Variants in MPDU1 observed in about 807,000 individuals in gnomAD.
MPDU1 encodes mannose-P-dolichol utilization defect 1.
Under a neutral mutation model 27.6 loss-of-function variants are expected in MPDU1, and 18 were observed. That is an observed-to-expected ratio of 0.65 (90% CI 0.45 to 0.97). MPDU1 has a LOEUF of 0.97. Ranked by LOEUF, MPDU1 falls within the 50% of genes least tolerant of loss-of-function variation. MPDU1 has a pLI of 0.00. For synonymous variants in MPDU1, 142 were observed against 131.1 expected (o/e 1.08, Z -0.57); for missense variants, 279 against 297.4 (o/e 0.94, Z 0.46).
intron 1 of MPDU1, chr17:7,584,255 C>T (rs72827584): frequency 0.092 from 54,729 of 594,892 alleles, 2,993 homozygotes; most frequent in East Asian, 0.12. Context: ...TAAGTCAAAT[C>T]ATGCCAACCT....
Position 7,585,999 on chromosome 17 carries a change from A to G in MPDU1, c.223A>G (p.Ser75Gly), listed in dbSNP as rs1475868259. ...ILGAKSAEGL[S>G]LQSVMLELVA... ...GGGAGCCAAGAGTGCTGAAGGGTTG[A>G]GTCTCCAGTCTGTAATGCTGGAGCT... Residue 75 changes from serine to glycine, a missense_variant, in exon 3 of 7, where the codon AGT (serine) becomes GGT (glycine). Physicochemically the swap from Ser to Gly is moderately conservative, Grantham distance 56 (BLOSUM62 0). Coordinates refer to ENST00000250124, the MANE Select transcript of MPDU1 (RefSeq NM_004870.4). The G allele has an allele frequency of 2.5e-6, 4 of 1,614,012 alleles. No homozygotes were observed. In the African/African-American group the frequency reaches 5.3e-5, roughly 22 times the overall value.
intron 1 of MPDU1, among the ~76,000 whole-genome samples, chr17:7,584,751 G>A (rs2071552482): frequency 6.6e-6 from 1 of 152,198 alleles, no homozygotes; most frequent in Admixed American, 6.5e-5. Flanking sequence ...CAGCACTTTG[G>A]GAGGCCGAAG....
intron 3 of MPDU1, 52 bp from the exon 4 acceptor site, chr17:7,586,640 C>T (rs1281761644): frequency 6.6e-6 from 10 of 1,521,760 alleles, no homozygotes; most frequent in Non-Finnish European, 8.2e-6. Flanking sequence ...TGGAGGCTTT[C>T]CCTGCCTCTT....
chr17:7,587,067 G>GC, intron 5 of MPDU1, 50 bp downstream of exon 5: 6 of 1,041,320 alleles, frequency 5.8e-6, no homozygotes, highest in Non-Finnish European at 8.6e-6. Context: ...GGGTGGGGGG[G>GC]AAGAGTAGAA....
intron 1 of MPDU1, 132 bp from the exon 2 acceptor site, chr17:7,585,600 G>T: frequency 1.2e-6 from 1 of 812,554 alleles, no homozygotes; most frequent in Non-Finnish European, 2.1e-6. Context: ...ACTGCCCTCC[G>T]CCTCTCCTCC....
intron 5 of MPDU1, 33 bp downstream of exon 5, chr17:7,587,050 G>A (rs780686100): frequency 6.3e-7 from 1 of 1,585,374 alleles, no homozygotes; most frequent in African/African-American, 1.4e-5. Flanking sequence ...AAGATGTTGT[G>A]GGGGCAGGGT....
chr17:7,585,631 C>G (rs1369836023), intron 1 of MPDU1, 101 bp from the exon 2 acceptor site: 1 of 1,128,538 alleles, frequency 8.9e-7, no homozygotes, highest in Non-Finnish European at 1.3e-6. Flanking sequence ...ATGCAAGACC[C>G]TGGTGTGGGT....
chr17:7,586,296 G>A, intron 3 of MPDU1: 1 of 579,018 alleles, frequency 1.7e-6, no homozygotes. Flanking sequence ...AAAATTAGCT[G>A]GGTGTGGTGA....
At chr17:7,584,605 A>G in intron 1 of MPDU1, among the ~76,000 whole-genome samples, 1 of 152,210 alleles carries the variant, frequency 6.6e-6, no homozygotes, top group Non-Finnish European at 1.5e-5. Context: ...TCAAGGCTAG[A>G]GAAGTTGTGG....
rs773530753 is a variant in MPDU1, at chr17:7,587,234, T to C, written c.581T>C (p.Phe194Ser). The change falls in exon 6 of 7, where the codon TTT becomes TCT. Residue 194 changes from phenylalanine to serine, a missense_variant. By Grantham distance (155) the Phe-to-Ser change is radical. Coordinates refer to ENST00000250124, the MANE Select transcript of MPDU1 (RefSeq NM_004870.4). ...QLSAITVFLLFGGSLARIFTS... is the reference protein window; with the variant it reads ...QLSAITVFLLSGGSLARIFTS... The stretch of plus-strand genomic sequence containing the variant: ...TCAGCCATCACAGTCTTCCTGCTGT[T>C]TGGGGGCTCCCTGGCCCGAATCTTC... 1.2e-6 allele frequency: 2 copies of C among 1,614,064 alleles called. No individual in the cohort carries two copies. Among genetic ancestry groups the C allele is most frequent in the Admixed American group, 1.7e-5 (1 of 60,006 alleles).
chr17:7,587,734 G>A lies in MPDU1; in HGVS notation c.*183G>A, dbSNP rs1458137818. On this transcript the variant is annotated 3_prime_UTR_variant, in exon 7 of 7. Transcript: ENST00000250124. ...ATGGATCCAGATCCTTAGAAAAGGAGAGGATGGGGGTAGAGTCTCCCAAGC... is the reference window on the plus strand; with the variant it reads ...ATGGATCCAGATCCTTAGAAAAGGAAAGGATGGGGGTAGAGTCTCCCAAGC... 3 of 937,962 alleles carry A rather than the reference G, an allele frequency of 3.2e-6. No homozygotes were observed. The African/African-American group carries it at 4.9e-5, about 15-fold the overall frequency. The allele number at this position is 937,962 out of a possible 1,614,324, so 58.1% of individuals were successfully genotyped here.
Position 7,587,533 on chromosome 17 carries a change from G to T in MPDU1, c.726G>T (p.Lys242Asn), listed in dbSNP as rs1040085330. 6.2e-7 allele frequency: 1 copy of T among 1,613,452 alleles called. No homozygotes were observed. Among genetic ancestry groups the T allele is most frequent in the Non-Finnish European group, 8.5e-7 (1 of 1,179,856 alleles). ...ACTGGAATGCAAAGCCTCCCCACAA[G>T]CAGAAAAAGGCGCAGTAGAGCCAGC... ...LFYWNAKPPH[K>N]QKKAQ Residue 242 changes from lysine to asparagine, a missense_variant, in exon 7 of 7, where the codon AAG becomes AAT. By Grantham distance (94) the Lys-to-Asn change is moderately conservative. Transcript: ENST00000250124.
chr17:7,587,208 C>T lies in MPDU1; in HGVS notation c.555C>T (p.Leu185=). The T allele has an allele frequency of 1.9e-6, 3 of 1,614,148 alleles. No individual in the cohort carries two copies. The South Asian group carries it at 3.3e-5, about 18-fold the overall frequency. Residue 185 remains leucine (L), a synonymous_variant, in exon 6 of 7, where the codon CTC becomes CTT. Coordinates refer to ENST00000250124, the MANE Select transcript of MPDU1 (RefSeq NM_004870.4). Reference sequence around the variant, plus strand: ...ACCACAACGGGCACACAGGCCAGCTCTCAGCCATCACAGTCTTCCTGCTGT... The same window carrying T: ...ACCACAACGGGCACACAGGCCAGCTTTCAGCCATCACAGTCTTCCTGCTGT... ...TNYHNGHTGQ[L]SAITVFLLFG... is the part of the protein sequence containing the mutation.
chr17:7,585,649 C>T (rs1304853502), intron 1 of MPDU1, 83 bp from the exon 2 acceptor site: 3 of 1,385,026 alleles, frequency 2.2e-6, no homozygotes, highest in Non-Finnish European at 3.1e-6. Flanking sequence ...GGTAAGGGGG[C>T]TCGGGGAGAG....
At chr17:7,585,123 T>C (rs1377678097) in intron 1 of MPDU1, among the ~76,000 whole-genome samples, 1 of 152,132 alleles carries the variant, frequency 6.6e-6, no homozygotes, top group Non-Finnish European at 1.5e-5. Context: ...ATTTCTCAGC[T>C]TTATATGGGG....
chr17:7,584,285 G>T (rs1049438248), intron 1 of MPDU1: 5 of 574,024 alleles, frequency 8.7e-6, no homozygotes, highest in Non-Finnish European at 1.5e-5. Flanking sequence ...CGCTAGCAGG[G>T]TTAAACTTAA....
chr17:7,586,798 A>G (rs894978329), intron 4 of MPDU1, 21 bp downstream of exon 4: 2 of 1,613,636 alleles, frequency 1.2e-6, no homozygotes, highest in Admixed American at 3.3e-5. Context: ...CTTACCCAAG[A>G]GCAGGCTGTG....
In MPDU1 at chr17:7,586,638, T is replaced by C. The variant is rs748538487; in HGVS notation, c.303-54T>C. On this transcript the variant is annotated intron_variant, in intron 3 of 6. Transcript: ENST00000250124. Reference sequence around the variant, plus strand: ...CCTGGATGGATGGGCTATGGAGGCTTTCCCTGCCTCTTTCTAGGCCCGCCT... The same window carrying C: ...CCTGGATGGATGGGCTATGGAGGCTCTCCCTGCCTCTTTCTAGGCCCGCCT... 9.9e-6 allele frequency: 15 copies of C among 1,513,004 alleles called. No individual in the cohort carries two copies. The East Asian group carries it at 2.9e-4, about 30-fold the overall frequency. The allele number at this position is 1,513,004 out of a possible 1,614,324, so 93.7% of individuals were successfully genotyped here. A position where few individuals can be genotyped will look rare whatever the true frequency, so the allele number is the denominator to read the frequency against.
At chr17:7,586,247 C>A in intron 3 of MPDU1, 169 bp downstream of exon 3, 1 of 769,746 alleles carries the variant, frequency 1.3e-6, no homozygotes, top group Non-Finnish European at 2.2e-6. Flanking sequence ...GGAGTTCGAA[C>A]TGGCCAACAT....
Sources: allele counts gnomAD v4.1 joint callset (sites outside exome capture counted in the v4.1 genomes callset), GRCh38; gene constraint gnomAD v4.1.1; transcripts MANE v1.5; gene names NCBI Gene and HGNC (gene_info 2026-07-23, HGNC 2026-07-21).